The following BTD variants were observed in gnomAD, a reference collection of about 807,000 sequenced individuals.
The protein encoded by BTD is biotinidase.
In BTD, 13 loss-of-function variants were observed where a neutral mutation model predicts 17.7. The observed-to-expected ratio is 0.74, with a 90% CI of 0.48 to 1.17. The LOEUF (loss-of-function observed/expected upper bound fraction) is 1.17, where lower values mean the gene tolerates loss of function less well. BTD is among the 50% of genes most tolerant of loss of function. The probability of loss-of-function intolerance (pLI) is 0.00; values close to 1 mark genes in which losing one functional copy is unlikely to be tolerated. For synonymous variants in BTD, 240 were observed against 245.2 expected, an observed-to-expected ratio of 0.98 and a Z score of 0.20; for missense variants, 674 against 650.4, an observed-to-expected ratio of 1.04 and a Z score of -0.39.
Position 15,649,890 on chromosome 3 carries a change from G to A in BTD, c.*4402G>A, listed in dbSNP as rs2065774605. 6.6e-6 allele frequency among the ~76,000 whole-genome samples: 1 copy of A among 152,212 alleles called. No individual in the cohort carries two copies. Among genetic ancestry groups the A allele is most frequent in the South Asian group, 2.1e-4 (1 of 4,832 alleles). On this transcript the variant is annotated 3_prime_UTR_variant, in exon 4 of 4. Coordinates refer to ENST00000643237, the MANE Select transcript of BTD (RefSeq NM_001370658.1). ...AGTAGTGAGTGACAGCTCTGTGCTG[G>A]ATGCACATAAATGGTCTCCCTTAAC... is the stretch of plus-strand genomic sequence containing the variant.
In BTD at chr3:15,635,740, T is replaced by G; in HGVS notation, c.249+52T>G. ...TTCTCTCATACAGAGCAGATTGCTC[T>G]TTACCCCTTGATCAGTGGTTGGGTA... On this transcript the variant is annotated intron_variant, in intron 2 of 3. Transcript: ENST00000643237. The surrounding 1 kb of genome is among the most constrained non-coding windows in gnomAD (Gnocchi z 4.1). The G allele has an allele frequency of 6.2e-7, 1 of 1,612,400 alleles. No homozygotes were observed. The highest frequency in any genetic ancestry group is 1.1e-5 in the South Asian group (1 of 90,864).
At chr3:15,673,052 T>C (rs1467780279) in intron 3 of BTD, among the ~76,000 whole-genome samples, 4 of 152,174 alleles carry the variant, frequency 2.6e-5, no homozygotes, top group African/African-American at 9.7e-5. Flanking sequence ...GCTAGGACCA[T>C]AGGCATGGGC....
At chr3:15,688,818 A>G (rs1309586866) in intron 3 of BTD, among the ~76,000 whole-genome samples, 1 of 152,228 alleles carries the variant, frequency 6.6e-6, no homozygotes. Flanking sequence ...CTGCTACATC[A>G]TAATATCACA....
intron 1 of BTD, among the ~76,000 whole-genome samples, chr3:15,633,584 A>G (rs898321098): frequency 6.6e-6 from 1 of 152,230 alleles, no homozygotes; most frequent in Non-Finnish European, 1.5e-5. Context: ...GGTGGTACCC[A>G]GCTCTCAGTT....
At chr3:15,702,088 T>G (rs2070713490) in intron 3 of BTD, among the ~76,000 whole-genome samples, 1 of 152,242 alleles carries the variant, frequency 6.6e-6, no homozygotes, top group South Asian at 2.1e-4. Flanking sequence ...TAAATTTTCA[T>G]AATTACTCTG....
At chr3:15,631,649 A>T (rs2065208587) in intron 1 of BTD, among the ~76,000 whole-genome samples, 1 of 152,204 alleles carries the variant, frequency 6.6e-6, no homozygotes, top group African/African-American at 2.4e-5. Flanking sequence ...TGTTTTCCTT[A>T]TGAAATCAGA....
chr3:15,715,554 T>C (rs1379763679), downstream of BTD, among the ~76,000 whole-genome samples: 4 of 152,164 alleles, frequency 2.6e-5, no homozygotes, highest in Non-Finnish European at 5.9e-5. Context: ...GAAGTTCTAA[T>C]CTTTTGGAGG....
chr3:15,619,496 A>G (rs753651382), intron 1 of BTD, among the ~76,000 whole-genome samples: 5 of 152,180 alleles, frequency 3.3e-5, no homozygotes, highest in Non-Finnish European at 7.3e-5. Flanking sequence ...AACCTTTCAT[A>G]CCTGAGATAA....
Position 15,641,920 on chromosome 3 carries a change from A to T in BTD, c.262A>T (p.Ile88Leu). 6.2e-7 allele frequency: 1 copy of T among 1,611,522 alleles called. No individual in the cohort carries two copies. The change falls in exon 3 of 4, where the codon ATA (isoleucine) becomes TTA (leucine). Residue 88 changes from isoleucine to leucine, a missense_variant. Physicochemically the swap from Ile to Leu is conservative, Grantham distance 5. Transcript: ENST00000643237. Reference protein sequence around the residue: ...MTAAQKDVQIIVFPEDGIHGF... With the variant: ...MTAAQKDVQILVFPEDGIHGF... Reference sequence around the variant, plus strand: ...TTTTCATTTTCAGGATGTACAGATTATAGTGTTTCCAGAAGATGGCATTCA... The same window carrying T: ...TTTTCATTTTCAGGATGTACAGATTTTAGTGTTTCCAGAAGATGGCATTCA...
At chr3:15,643,043 AAT>A (rs1257705420) in intron 3 of BTD, among the ~76,000 whole-genome samples, 68 of 89,620 alleles carry the variant, frequency 7.6e-4, no homozygotes, top group African/African-American at 3.1e-3. Context: ...AAAAAAAAAA[AAT>A]AAAATAAAAT....
At chr3:15,640,603 C>T (rs1165643118) in intron 2 of BTD, among the ~76,000 whole-genome samples, 2 of 151,992 alleles carry the variant, frequency 1.3e-5, no homozygotes, top group East Asian at 3.9e-4. Context: ...GTTGGGCAGG[C>T]TGGTCTTGAA....
At chr3:15,602,215 A>T (rs2064282664) in intron 1 of BTD, 2 of 1,364,164 alleles carry the variant, frequency 1.5e-6, no homozygotes, top group Non-Finnish European at 1.9e-6. Context: ...TGACGCTCAG[A>T]GTCAGTAGAT....
intron 3 of BTD, chr3:15,685,917 G>A: frequency 6.7e-6 from 7 of 1,044,378 alleles, no homozygotes; most frequent in Non-Finnish European, 9.7e-6. Flanking sequence ...ATTTAATGAA[G>A]AAAAAATAAA....
chr3:15,712,579 T>C (rs2072458598), exon 4 of BTD, among the ~76,000 whole-genome samples: 1 of 152,186 alleles, frequency 6.6e-6, no homozygotes, highest in Non-Finnish European at 1.5e-5. Flanking sequence ...CAACCAAAAA[T>C]GTATCTGGAC....
chr3:15,607,342 C>T (rs763377749), intron 1 of BTD, among the ~76,000 whole-genome samples: 2 of 152,234 alleles, frequency 1.3e-5, no homozygotes, highest in Middle Eastern at 6.8e-3. Context: ...ATCTGCATAC[C>T]AATTACTCTA....
chr3:15,661,265 CA>C (rs56165902), intron 3 of BTD, among the ~76,000 whole-genome samples: 1,751 of 93,598 alleles, frequency 0.019, 4 homozygotes, highest in African/African-American at 0.078. Context: ...GACTCTGTCT[CA>C]AAAAAAAAAA....
At chr3:15,711,306 G>C in exon 4 of BTD, 1 of 1,542,366 alleles carries the variant, frequency 6.5e-7, no homozygotes, top group Non-Finnish European at 8.9e-7. Context: ...ATTTATAACA[G>C]ACATATTATT....
Position 15,696,004 on chromosome 3 carries a change from A to AGGTATATAAATT in BTD, c.400-14055_400-14044dup, listed in dbSNP as rs2069495476. Reference sequence around the variant, plus strand: ...TTACTAAAGCAAGTGTGAATTTAAGAGGTATATAAATTCTGAAAATGTTAA... The same window carrying AGGTATATAAATT: ...TTACTAAAGCAAGTGTGAATTTAAGAGGTATATAAATTGGTATATAAATTCTGAAAATGTTAA... On this transcript the variant is annotated intron_variant, in intron 3 of 3. Coordinates refer to the BTD transcript ENST00000672141. 2.4e-5 allele frequency: 16 copies of AGGTATATAAATT among 662,874 alleles called. No homozygotes were observed. In the South Asian group the frequency reaches 2.6e-4, roughly 11 times the overall value. 41.1% of individuals were successfully genotyped at this position (662,874 alleles called of 1,614,324 possible).
At position 15,686,112 on chromosome 3, in the gene BTD, G is replaced by C. The variant is rs1442061739; in HGVS notation, c.400-23948G>C. On this transcript the variant is annotated intron_variant, in intron 3 of 3. Transcript: ENST00000672141. Reference sequence around the variant, plus strand: ...TGCCCGTTGAGAACAGATAGCATCAGAGGCGTCCTGAGCAACAACAGGAAT... The same window carrying C: ...TGCCCGTTGAGAACAGATAGCATCACAGGCGTCCTGAGCAACAACAGGAAT... 4 of 1,612,614 alleles carry C rather than the reference G, an allele frequency of 2.5e-6. No individual in the cohort carries two copies. The Admixed American group carries it at 5.0e-5, about 20-fold the overall frequency.
Sources: gnomAD v4.1 joint callset for allele counts (sites outside exome capture counted in the v4.1 genomes callset) on GRCh38, gnomAD v4.1.1 for gene constraint, Gnocchi (gnomAD v3.1) non-coding constraint, MANE v1.5 for transcripts, NCBI Gene and HGNC (gene_info 2026-07-23, HGNC 2026-07-21) for gene names.